CSRNP1: variants seen among roughly 807,000 people sequenced by gnomAD.
The protein encoded by CSRNP1 is cysteine and serine rich nuclear protein 1, also known as cysteine/serine-rich nuclear protein 1.
CSRNP1 carries 8 observed loss-of-function variants against 25.0 expected under a neutral mutation model. That is an observed-to-expected ratio of 0.32 (90% CI 0.19 to 0.58). CSRNP1 has a LOEUF of 0.58. CSRNP1 is among the 20% of genes least tolerant of loss of function. The pLI is 0.88. For missense variants in CSRNP1, 691 were observed against 773.1 expected (o/e 0.89, Z 1.26); for synonymous variants, 305 against 303.1 (o/e 1.01, Z -0.06).
chr3:39,142,834 GC>G lies in CSRNP1; in HGVS notation c.*220del. ...GCAAGCTGTGGGTGTGGGGGGCCGG[GC>G]AGCTGAAAGGGGAAGCCCCCTCCCC... On this transcript the variant is annotated 3_prime_UTR_variant, in exon 5 of 5. Coordinates refer to ENST00000273153, the MANE Select transcript of CSRNP1 (RefSeq NM_033027.4). 1 of 451,892 alleles carries G rather than the reference GC, an allele frequency of 2.2e-6. No homozygotes were observed. The highest frequency in any genetic ancestry group is 2.0e-5 in the African/African-American group (1 of 50,510). 28.0% of individuals were successfully genotyped at this position (451,892 alleles called of 1,614,324 possible).
intron 1 of CSRNP1, chr3:39,151,946 G>A (rs966975035): frequency 6.6e-6 from 1 of 152,340 alleles, no homozygotes; most frequent in Admixed American, 6.5e-5. Flanking sequence ...CACCTAAGTG[G>A]GGCCTTCTTC....
At chr3:39,147,814 G>A (rs1162344062) in intron 1 of CSRNP1, among the ~76,000 whole-genome samples, 1 of 152,122 alleles carries the variant, frequency 6.6e-6, no homozygotes, top group Non-Finnish European at 1.5e-5. Context: ...AATCCCAAAG[G>A]CTGAGTACAG....
rs1472231987 is a variant in CSRNP1, at chr3:39,144,181, C to T, written c.736G>A (p.Asp246Asn). Residue 246 changes from aspartate to asparagine, a missense_variant, in exon 4 of 5, where the codon GAC becomes AAC. Transcript: ENST00000273153. ...DCGCHCDRIC[D>N]PETCSCSLAG... is the part of the protein sequence containing the mutation. ...AGGCTGCAGCTGCAGGTCTCAGGGT[C>T]GCAGATCCTATCGCAGTGACAGCCA... The T allele has an allele frequency of 3.1e-6, 5 of 1,614,148 alleles. No homozygotes were observed. The highest frequency in any genetic ancestry group is 1.1e-5 in the South Asian group (1 of 91,084).
rs1027891791 is a variant in CSRNP1 at position 39,147,903 on chromosome 3, C to T, written c.-40-1181G>A. 2.4e-4 allele frequency among the ~76,000 whole-genome samples: 37 copies of T among 152,100 alleles called. 1 individual carries two copies. The highest frequency in any genetic ancestry group is 6.5e-4 in the African/African-American group (27 of 41,392). ...AGGGAAAGGAAGTTGAAGCTGAGGCCGAGGCCCCAGTGCTGGGGAACCCTT... is the reference window on the plus strand; with the variant it reads ...AGGGAAAGGAAGTTGAAGCTGAGGCTGAGGCCCCAGTGCTGGGGAACCCTT... On this transcript the variant is annotated intron_variant, in intron 1 of 4. Transcript: ENST00000273153.
rs2039463399 is a variant in CSRNP1, at chr3:39,144,008, C to T, written c.817G>A (p.Glu273Lys). ...CGGCCCATGGGGTTCTCACAGCCCT[C>T]CCTGCAGCAGCCACAGGGGAATGCT... ...HTAFPCGCCR[E>K]GCENPMGRVE... Residue 273 changes from glutamate (E) to lysine (K), a missense_variant, in exon 5 of 5, where the codon GAG becomes AAG. By Grantham distance (56) the Glu-to-Lys change is moderately conservative. Transcript: ENST00000273153. 6.2e-7 allele frequency: 1 copy of T among 1,613,224 alleles called. No homozygotes were observed. The highest frequency in any genetic ancestry group is 8.5e-7 in the Non-Finnish European group (1 of 1,180,016).
chr3:39,144,292 C>G lies in CSRNP1; in HGVS notation c.625G>C (p.Ala209Pro). 1 of 1,614,182 alleles carries G rather than the reference C, an allele frequency of 6.2e-7. No individual in the cohort carries two copies. Residue 209 changes from alanine (A) to proline (P), a missense_variant, in exon 4 of 5, where the codon GCT (alanine) becomes CCT (proline). Coordinates refer to ENST00000273153, the MANE Select transcript of CSRNP1 (RefSeq NM_033027.4). ...LQPYPARRRR[A>P]LLRASGVRRI... ...CGCACACCTGAAGCCCTCAGCAGAG[C>G]TCGACGTCGCCGGGCTGGGTAGGGC... is the stretch of plus-strand genomic sequence containing the variant.
rs201765293 is a variant in CSRNP1 at position 39,143,204 on chromosome 3, C to T, written c.1621G>A (p.Gly541Ser). ...NIEAPHFPLP[G>S]LSPPGDASSC... ...CTGGCATCCCCAGGTGGAGACAGGC[C>T]AGGCAGGGGGAAGTGAGGTGCCTCG... Residue 541 changes from glycine (G) to serine (S), a missense_variant, in exon 5 of 5, where the codon GGC becomes AGC. Transcript: ENST00000273153. 53 of 1,614,224 alleles carry T rather than the reference C, an allele frequency of 3.3e-5. No homozygotes were observed. In the East Asian group the frequency reaches 1.2e-3, roughly 36 times the overall value.
rs755003699 is a variant in CSRNP1 at position 39,143,541 on chromosome 3, G to T, written c.1284C>A (p.Ile428=). The T allele has an allele frequency of 4.0e-5, 65 of 1,614,122 alleles. No homozygotes were observed. The highest frequency in any genetic ancestry group is 5.1e-5 in the Non-Finnish European group (60 of 1,180,060). ...GGCCACCAGGGTCACTAGTACCAAA[G>T]ATGTCAGCTGGATGGAAGCAGCTGA... ...DNLSCFHPAD[I]FGTSDPGGLA... The change falls in exon 5 of 5, where the codon ATC becomes ATA. Residue 428 remains isoleucine, a synonymous_variant. Coordinates refer to ENST00000273153, the MANE Select transcript of CSRNP1 (RefSeq NM_033027.4).
intron 1 of CSRNP1, among the ~76,000 whole-genome samples, chr3:39,147,616 C>T (rs992442934): frequency 1.3e-5 from 2 of 152,048 alleles, no homozygotes; most frequent in African/African-American, 2.4e-5. Flanking sequence ...TCTGTGGCTT[C>T]GTGACATGGA....
rs1363819613 is a variant in CSRNP1, at chr3:39,144,316, G to C, written c.601C>G (p.Pro201Ala). The C allele has an allele frequency of 6.2e-7, 1 of 1,614,158 alleles. No homozygotes were observed. Among genetic ancestry groups the C allele is most frequent in the East Asian group, 2.2e-5 (1 of 44,876 alleles). Reference sequence around the variant, plus strand: ...GCTCGACGTCGCCGGGCTGGGTAGGGCTGTAGGAAGCTCACTTCTTCCAAC... The same window carrying C: ...GCTCGACGTCGCCGGGCTGGGTAGGCCTGTAGGAAGCTCACTTCTTCCAAC... ...GRLEEVSFLQ[P>A]YPARRRRALL... The change falls in exon 4 of 5, where the codon CCC becomes GCC. Residue 201 changes from proline to alanine, a missense_variant. Physicochemically the swap from Pro to Ala is conservative, Grantham distance 27. Transcript: ENST00000273153.
In CSRNP1 at chr3:39,143,675, G is replaced by A. The variant is rs769413886; in HGVS notation, c.1150C>T (p.Pro384Ser). The change falls in exon 5 of 5, where the codon CCT becomes TCT. Residue 384 changes from proline to serine, a missense_variant. Coordinates refer to ENST00000273153, the MANE Select transcript of CSRNP1 (RefSeq NM_033027.4). ...HPGLPGPGFQPGVDDDSLARI... is the reference protein window; with the variant it reads ...HPGLPGPGFQSGVDDDSLARI... ...GCCAGGCTGTCATCATCAACGCCAG[G>A]CTGGAAGCCAGGGCCAGGCAGGCCT... 1.9e-5 allele frequency: 30 copies of A among 1,614,108 alleles called. No individual in the cohort carries two copies. Among genetic ancestry groups the A allele is most frequent in the Middle Eastern group, 1.6e-4 (1 of 6,084 alleles).
intron 3 of CSRNP1, among the ~76,000 whole-genome samples, 191 bp from the exon 4 acceptor site, chr3:39,144,642 A>G (rs958806041): frequency 5.3e-5 from 8 of 152,142 alleles, no homozygotes; most frequent in Admixed American, 1.3e-4. Context: ...AAAAAAAAAA[A>G]AAGAGATATC....
chr3:39,144,004 C>T lies in CSRNP1; in HGVS notation c.821G>A (p.Gly274Asp), dbSNP rs1358451625. The T allele has an allele frequency of 1.2e-6, 2 of 1,613,336 alleles. No individual in the cohort carries two copies. The highest frequency in any genetic ancestry group is 1.7e-6 in the Non-Finnish European group (2 of 1,179,978). The stretch of plus-strand genomic sequence containing the variant: ...CACACGGCCCATGGGGTTCTCACAG[C>T]CCTCCCTGCAGCAGCCACAGGGGAA... ...TAFPCGCCRE[G>D]CENPMGRVEF... Residue 274 changes from glycine to aspartate, a missense_variant, in exon 5 of 5, where the codon GGC becomes GAC. Transcript: ENST00000273153.
intron 2 of CSRNP1, among the ~76,000 whole-genome samples, chr3:39,146,090 T>A (rs2039505366): frequency 6.6e-6 from 1 of 152,220 alleles, no homozygotes; most frequent in Non-Finnish European, 1.5e-5. Context: ...GACAGCATTT[T>A]GACAGGAGAG....
chr3:39,143,929 C>A lies in CSRNP1; in HGVS notation c.896G>T (p.Arg299Leu). Residue 299 changes from arginine (R) to leucine (L), a missense_variant, in exon 5 of 5, where the codon CGC becomes CTC. Physicochemically the swap from Arg to Leu is moderately radical, Grantham distance 102 (BLOSUM62 -2). Transcript: ENST00000273153. ...VQTHFIHTLT[R>L]LQLEQEAESF... Reference sequence around the variant, plus strand: ...CTCAGCCTCCTGTTCCAACTGCAGGCGGGTGAGTGTGTGGATGAAATGGGT... The same window carrying A: ...CTCAGCCTCCTGTTCCAACTGCAGGAGGGTGAGTGTGTGGATGAAATGGGT... 1 of 1,614,190 alleles carries A rather than the reference C, an allele frequency of 6.2e-7. No individual in the cohort carries two copies.
intron 1 of CSRNP1, chr3:39,150,425 C>A (rs974582841): frequency 6.6e-6 from 1 of 152,270 alleles, no homozygotes; most frequent in African/African-American, 2.4e-5. Flanking sequence ...GGTATAGACC[C>A]AACTGCACAG....
chr3:39,148,823 G>A (rs1201865168), intron 1 of CSRNP1: 1 of 50,888 alleles, frequency 2.0e-5, no homozygotes, highest in East Asian at 1.4e-3. Flanking sequence ...AGGTATCATG[G>A]AGGCCACGTG....
In CSRNP1 at chr3:39,143,753, CT is replaced by C; in HGVS notation, c.1071del (p.Ala358HisfsTer38). 6.2e-7 allele frequency: 1 copy of C among 1,614,094 alleles called. No homozygotes were observed. Among genetic ancestry groups the C allele is most frequent in the Non-Finnish European group, 8.5e-7 (1 of 1,179,966 alleles). On this transcript the variant is annotated frameshift_variant, in exon 5 of 5. Coordinates refer to ENST00000273153, the MANE Select transcript of CSRNP1 (RefSeq NM_033027.4). LOFTEE classifies it low-confidence loss of function (END_TRUNC). ...CTAGTGCCCGATGCTGATGAAGATG[CT>C]GTAGAAGAATCAGTCATGTCGCTGC... ...SCSSDMTDSS[T>X]ASSSASGTSE...
intron 2 of CSRNP1, 112 bp downstream of exon 2, chr3:39,146,366 C>T (rs978080976): frequency 4.3e-5 from 57 of 1,321,682 alleles, no homozygotes; most frequent in Admixed American, 8.5e-5. Context: ...TGAGAGCTAC[C>T]GCCATGGGGA....
Sources: gnomAD v4.1 joint callset for allele counts (sites outside exome capture counted in the v4.1 genomes callset) on GRCh38, gnomAD v4.1.1 for gene constraint, MANE v1.5 for transcripts, NCBI Gene and HGNC (gene_info 2026-07-23, HGNC 2026-07-21) for gene names.